Variants in EIF2D observed in about 807,000 individuals in gnomAD.
EIF2D encodes the protein hepatocellular carcinoma-associated antigen 56.
In EIF2D, 56 loss-of-function variants were observed where a neutral mutation model predicts 77.4. That is an observed-to-expected ratio of 0.72 (90% confidence interval 0.58 to 0.90). The LOEUF is 0.90. Among genes scored for constraint, EIF2D ranks in the 40% least tolerant of loss-of-function variants. The probability of loss-of-function intolerance (pLI) is 0.00; values close to 1 mark genes in which losing one functional copy is unlikely to be tolerated. For synonymous variants in EIF2D, 230 were observed against 271.0 expected (o/e 0.85, Z 1.49); for missense variants, 574 against 706.5 (o/e 0.81, Z 2.13).
At position 206,599,620 on chromosome 1, in the gene EIF2D, CCAG is replaced by C. The variant is rs1268147987; in HGVS notation, c.1053-11_1053-9del. On this transcript the variant is annotated splice_polypyrimidine_tract_variant and intron_variant, in intron 9 of 14. Transcript: ENST00000271764. This position sits in a 1 kb window ranked among gnomAD's most constrained non-coding sequence, Gnocchi z 4.1. The stretch of plus-strand genomic sequence containing the variant: ...ATGACGAAAGATGTAATCCTAAAAC[CCAG>C]CAGAAGGAAAGAAAAAACACATTTT... 1 of 1,599,386 alleles carries C rather than the reference CCAG, an allele frequency of 6.3e-7. No homozygotes were observed. The highest frequency in any genetic ancestry group is 8.5e-7 in the Non-Finnish European group (1 of 1,172,886).
At chr1:206,591,929 A>G (rs1163247472) in intron 14 of EIF2D, 84 bp from the exon 15 acceptor site, 12 of 1,316,704 alleles carry the variant, frequency 9.1e-6, no homozygotes, top group Middle Eastern at 1.9e-4. Context: ...TTGCCTCACA[A>G]TGTCATTCCA....
chr1:206,606,971 G>A (rs1670230342), intron 4 of EIF2D, among the ~76,000 whole-genome samples: 1 of 152,122 alleles, frequency 6.6e-6, no homozygotes, highest in Non-Finnish European at 1.5e-5. Flanking sequence ...TAACAATTCT[G>A]CATTTTAGTA....
In EIF2D at chr1:206,584,404, C is replaced by T; in HGVS notation, c.139-3242G>A. 2.5e-6 allele frequency: 4 copies of T among 1,613,276 alleles called. No individual in the cohort carries two copies. Among genetic ancestry groups the T allele is most frequent in the Non-Finnish European group, 3.4e-6 (4 of 1,179,440 alleles). ...GCTGGCAGAGTGAAGACGGCACCTACACGGGTTTCATCAAAGTGCATCTGA... is the reference window on the plus strand; with the variant it reads ...GCTGGCAGAGTGAAGACGGCACCTATACGGGTTTCATCAAAGTGCATCTGA... On this transcript the variant is annotated intron_variant and NMD_transcript_variant, in intron 2 of 5. Coordinates refer to the EIF2D transcript ENST00000472709. The surrounding 1 kb of genome is among the most constrained non-coding windows in gnomAD (Gnocchi z 4.9).
rs1669040200 is a variant in EIF2D, at chr1:206,584,746, C to A, written c.139-3584G>T. The stretch of plus-strand genomic sequence containing the variant: ...TCCTACCTGTGTCCAAGCCCACCCA[C>A]TAAAACTCCTGCCGGCCTTGGGTGG... On this transcript the variant is annotated intron_variant and NMD_transcript_variant, in intron 2 of 5. Transcript: ENST00000472709. The surrounding 1 kb of genome is among the most constrained non-coding windows in gnomAD (Gnocchi z 4.9). The A allele has an allele frequency of 6.4e-7, 1 of 1,571,680 alleles. No homozygotes were observed. The highest frequency in any genetic ancestry group is 1.4e-5 in the African/African-American group (1 of 73,856).
At chr1:206,602,505 G>A in intron 6 of EIF2D, 52 bp from the exon 7 acceptor site, 4 of 1,526,226 alleles carry the variant, frequency 2.6e-6, no homozygotes, top group South Asian at 1.1e-5. Context: ...CAGAACACCT[G>A]GTACAAGAAA....
At chr1:206,586,661 A>G, downstream of EIF2D, 1 of 635,526 alleles carries the variant, frequency 1.6e-6, no homozygotes, top group Non-Finnish European at 2.8e-6. Context: ...TATGACAGGC[A>G]TGCAAAGCCC....
intron 4 of EIF2D, among the ~76,000 whole-genome samples, 180 bp from the exon 5 acceptor site, chr1:206,605,687 C>A (rs1460036802): frequency 1.3e-5 from 2 of 152,174 alleles, no homozygotes; most frequent in African/African-American, 2.4e-5. Flanking sequence ...ATATTACTTT[C>A]AAAAATCCCT....
rs10533643 is a variant in EIF2D at position 206,593,508 on chromosome 1, A to AGAGAGTGTGTGTGT, written c.1684+110_1684+111insACACACACACTCTC. On this transcript the variant is annotated intron_variant, in intron 14 of 14. Coordinates refer to ENST00000271764, the MANE Select transcript of EIF2D (RefSeq NM_006893.3). ...GAGAGCGAGAGAGAGAGAGAGAGAG[A>AGAGAGTGTGTGTGT]GTGTGTGTGTGTGTGTGTGTGTGTG... 378 of 401,512 alleles carry AGAGAGTGTGTGTGT rather than the reference A, an allele frequency of 9.4e-4. 1 individual carries two copies. The highest frequency in any genetic ancestry group is 8.0e-3 in the African/African-American group (342 of 42,632). 24.9% of individuals were successfully genotyped at this position (401,512 alleles called of 1,614,324 possible). A position where few individuals can be genotyped will look rare whatever the true frequency, so the allele number is the denominator to read the frequency against.
rs139522814 is a variant in EIF2D at position 206,603,928 on chromosome 1, G to A, written c.531-724C>T. Among the ~76,000 whole-genome samples, 464 of 152,220 alleles carry A rather than the reference G, an allele frequency of 3.0e-3. 2 individuals are homozygous for A. Among genetic ancestry groups the A allele is most frequent in the African/African-American group, 0.011 (454 of 41,558 alleles). ...CCAAAGGGTATGTTTAGGCTATTCT[G>A]ATCAGGTAAATACCATAAATATTTT... On this transcript the variant is annotated intron_variant, in intron 5 of 14. Coordinates refer to ENST00000271764, the MANE Select transcript of EIF2D (RefSeq NM_006893.3).
rs1670029962 is a variant in EIF2D, at chr1:206,603,431, T to C, written c.531-227A>G. The C allele has an allele frequency of 9.6e-6, 5 of 523,070 alleles. No homozygotes were observed. The South Asian group carries it at 1.6e-4, about 17-fold the overall frequency. 32.4% of individuals were successfully genotyped at this position (523,070 alleles called of 1,614,324 possible). A position where few individuals can be genotyped will look rare whatever the true frequency, so the allele number is the denominator to read the frequency against. On this transcript the variant is annotated intron_variant, in intron 5 of 14. Transcript: ENST00000271764. ...TCTCTGAAATGGGGAGAATAAATCT[T>C]GTCTCCTCCCTATCCCAAAAGAATA... is the stretch of plus-strand genomic sequence containing the variant.
At chr1:206,580,066 A>G (rs1295104575) in intron 4 of EIF2D, among the ~76,000 whole-genome samples, 4 of 152,174 alleles carry the variant, frequency 2.6e-5, no homozygotes, top group African/African-American at 9.6e-5. Flanking sequence ...TGGTGAGGTC[A>G]GGGCTGCTGT....
intron 2 of EIF2D, among the ~76,000 whole-genome samples, chr1:206,582,559 A>G (rs1668935997): frequency 1.3e-5 from 2 of 152,218 alleles, no homozygotes; most frequent in South Asian, 4.1e-4. Flanking sequence ...AGAAGTGCTA[A>G]GTAAATTCTA....
rs1311129770 is a variant in EIF2D, at chr1:206,599,917, T to C, written c.949-81A>G. 7.3e-7 allele frequency: 1 copy of C among 1,373,152 alleles called. No individual in the cohort carries two copies. The highest frequency in any genetic ancestry group is 1.4e-5 in the African/African-American group (1 of 70,486). 85.1% of individuals were successfully genotyped at this position (1,373,152 alleles called of 1,614,324 possible). ...GCACCCAGGATGTGCCAGAGTGAGC[T>C]AGGCAGGGACTGTGCAGGGATATGA... On this transcript the variant is annotated intron_variant, in intron 8 of 14. Transcript: ENST00000271764. This position sits in a 1 kb window ranked among gnomAD's most constrained non-coding sequence, Gnocchi z 4.1.
At chr1:206,609,603 C>T (rs1396967770) in intron 2 of EIF2D, 144 bp from the exon 3 acceptor site, 2 of 586,774 alleles carry the variant, frequency 3.4e-6, no homozygotes, top group Non-Finnish European at 5.6e-6. Context: ...TAAGGGGATG[C>T]CCAGAGAGGT....
In EIF2D at chr1:206,591,674, G is replaced by T; in HGVS notation, c.*101C>A. 1.9e-6 allele frequency: 2 copies of T among 1,069,048 alleles called. No homozygotes were observed. Among genetic ancestry groups the T allele is most frequent in the Non-Finnish European group, 2.8e-6 (2 of 703,412 alleles). 66.2% of individuals were successfully genotyped at this position (1,069,048 alleles called of 1,614,324 possible). Reference sequence around the variant, plus strand: ...TAGAATAAAAATTTATTTTTGTAAAGAATTATATTTTGTATTTGCAAAAGC... The same window carrying T: ...TAGAATAAAAATTTATTTTTGTAAATAATTATATTTTGTATTTGCAAAAGC... On this transcript the variant is annotated 3_prime_UTR_variant, in exon 15 of 15. Transcript: ENST00000271764.
chr1:206,600,299 T>A lies in EIF2D; in HGVS notation c.912A>T (p.Gly304=). ...TTGACTTCTTTATGTCCAGTTGTCG[T>A]CCTTCGGGGCTGATGGCAGATGGAA... ...GSHMFSCCPE[G]RQLDIKKSSY... is the part of the protein sequence containing the mutation. Residue 304 remains glycine (G), a synonymous_variant, in exon 8 of 15, where the codon GGA becomes GGT. Coordinates refer to ENST00000271764, the MANE Select transcript of EIF2D (RefSeq NM_006893.3). 2 of 1,614,088 alleles carry A rather than the reference T, an allele frequency of 1.2e-6. No individual in the cohort carries two copies. The highest frequency in any genetic ancestry group is 1.7e-6 in the Non-Finnish European group (2 of 1,179,954).
chr1:206,608,603 C>T (rs560801187), intron 3 of EIF2D, among the ~76,000 whole-genome samples: 9 of 152,322 alleles, frequency 5.9e-5, no homozygotes, highest in South Asian at 2.1e-4. Flanking sequence ...CCTGGCCGGG[C>T]GCAGTGCCTT....
intron 12 of EIF2D, among the ~76,000 whole-genome samples, chr1:206,596,371 T>G (rs1312996096): frequency 6.6e-6 from 1 of 152,240 alleles, no homozygotes; most frequent in African/African-American, 2.4e-5. Context: ...GTTTTGCCAG[T>G]CACCTGGTCT....
chr1:206,602,542 AC>A (rs1669975623), intron 6 of EIF2D, 89 bp from the exon 7 acceptor site: 2 of 1,170,278 alleles, frequency 1.7e-6, no homozygotes, highest in Non-Finnish European at 2.5e-6. Flanking sequence ...TCCCTACCTC[AC>A]CCACTTGGCT....
Sources: allele counts gnomAD v4.1 joint callset (sites outside exome capture counted in the v4.1 genomes callset), GRCh38; gene constraint gnomAD v4.1.1; non-coding constraint Gnocchi (gnomAD v3.1); transcripts MANE v1.5; gene names NCBI Gene and HGNC (gene_info 2026-07-23, HGNC 2026-07-21).